SYK: variants seen among roughly 807,000 people sequenced by gnomAD.
SYK encodes tyrosine-protein kinase SYK.
SYK carries 16 observed loss-of-function variants against 77.8 expected under a neutral mutation model. The observed-to-expected ratio is 0.21, with a 90% CI of 0.14 to 0.31. The LOEUF is 0.31. Ranked by LOEUF, SYK falls within the 10% of genes least tolerant of loss-of-function variation. SYK has a pLI of 1.00. For missense variants in SYK, 529 were observed against 814.4 expected, an observed-to-expected ratio of 0.65 and a Z score of 4.26; for synonymous variants, 312 against 308.7, an observed-to-expected ratio of 1.01 and a Z score of -0.11.
chr9:90,890,028 T>C (rs554312781), intron 13 of SYK, among the ~76,000 whole-genome samples: 1 of 152,330 alleles, frequency 6.6e-6, no homozygotes, highest in East Asian at 1.9e-4. Flanking sequence ...TAAAACATTG[T>C]GATACAAATG....
At chr9:90,874,374 C>A in intron 8 of SYK, 83 bp downstream of exon 8, 1 of 1,369,384 alleles carries the variant, frequency 7.3e-7, no homozygotes, top group Non-Finnish European at 1.0e-6. Flanking sequence ...TTCACGAATC[C>A]ACACCACGTC....
chr9:90,851,876 A>G (rs574427128), intron 3 of SYK, among the ~76,000 whole-genome samples: 2 of 152,334 alleles, frequency 1.3e-5, no homozygotes, highest in Non-Finnish European at 2.9e-5. Context: ...TTAAAAATAT[A>G]AAATTAGGCA....
intron 6 of SYK, among the ~76,000 whole-genome samples, chr9:90,866,758 C>T (rs41274656): frequency 6.6e-6 from 1 of 152,130 alleles, no homozygotes; most frequent in Admixed American, 6.5e-5. Context: ...ACCGTGGAAC[C>T]AGCACCCACC....
chr9:90,884,151 GTGTA>G (rs1402327776), intron 11 of SYK, among the ~76,000 whole-genome samples: 1 of 94,564 alleles, frequency 1.1e-5, no homozygotes, highest in Non-Finnish European at 2.2e-5. Context: ...ATATGTGTGT[GTGTA>G]TATATACACA....
At chr9:90,836,286 C>T (rs1326637818) in intron 1 of SYK, among the ~76,000 whole-genome samples, 1 of 108,862 alleles carries the variant, frequency 9.2e-6, no homozygotes, top group Admixed American at 1.0e-4. Flanking sequence ...GACTTCATCT[C>T]AAAAAAAAAA....
intron 3 of SYK, among the ~76,000 whole-genome samples, chr9:90,851,948 G>A (rs1473298662): frequency 6.6e-6 from 1 of 151,972 alleles, no homozygotes; most frequent in East Asian, 1.9e-4. Context: ...TTTTTTTAAA[G>A]GCTGGTCAAT....
rs757211162 is a variant in SYK at position 90,844,156 on chromosome 9, C to T, written c.258C>T (p.Ala86=). ...GTGGCAGGACCCATGCCAGCCCCGC[C>T]GACCTCTGCCACTACCACTCCCAGG... ...IAGGRTHASP[A]DLCHYHSQES... Residue 86 remains alanine (A), a synonymous_variant, in exon 2 of 14, where the codon GCC becomes GCT. Transcript: ENST00000375754. The T allele has an allele frequency of 1.3e-5, 21 of 1,614,080 alleles. No individual in the cohort carries two copies. Among genetic ancestry groups the T allele is most frequent in the Admixed American group, 6.7e-5 (4 of 60,010 alleles).
intron 3 of SYK, among the ~76,000 whole-genome samples, chr9:90,855,048 C>A (rs1228062742): frequency 9.4e-6 from 1 of 105,974 alleles, no homozygotes. Flanking sequence ...ACTTGAGAAC[C>A]GCGGCTGCAT....
At chr9:90,802,889 A>T (rs1402029607) in intron 1 of SYK, among the ~76,000 whole-genome samples, 3 of 151,624 alleles carry the variant, frequency 2.0e-5, no homozygotes, top group Non-Finnish European at 4.4e-5. Context: ...GGAACCATTT[A>T]ATCCCTAAGA....
At chr9:90,892,744 G>T (rs556317823) in intron 13 of SYK, among the ~76,000 whole-genome samples, 2 of 152,226 alleles carry the variant, frequency 1.3e-5, no homozygotes, top group Middle Eastern at 6.3e-3. Flanking sequence ...ATGGAGAGAA[G>T]TTGGTGCTCT....
At chr9:90,809,986 A>G (rs903101295) in intron 1 of SYK, among the ~76,000 whole-genome samples, 56 of 152,302 alleles carry the variant, frequency 3.7e-4, no homozygotes, top group African/African-American at 1.3e-3. Context: ...AGAAGGGCTC[A>G]GGCTAGAAAG....
chr9:90,877,885 T>A, intron 10 of SYK, 105 bp downstream of exon 10: 1 of 1,110,754 alleles, frequency 9.0e-7, no homozygotes, highest in Non-Finnish European at 1.3e-6. Context: ...CTTCCCACCC[T>A]CCTGTGCCTT....
chr9:90,887,883 A>G lies in SYK; in HGVS notation c.1716A>G (p.Pro572=), dbSNP rs1330054565. The change falls in exon 12 of 14, where the codon CCA becomes CCG. Residue 572 remains proline (P), a synonymous_variant. Coordinates refer to ENST00000375754, the MANE Select transcript of SYK (RefSeq NM_003177.7). The stretch of plus-strand genomic sequence containing the variant: ...AAGCATTCTCCTATGGGCAGAAGCC[A>G]TATCGAGTGAGCCAGTCCTGCTTCA... The part of the protein sequence containing the change: ...MWEAFSYGQK[P]YRGMKGSEVT... 2 of 1,603,450 alleles carry G rather than the reference A, an allele frequency of 1.2e-6. No homozygotes were observed. The highest frequency in any genetic ancestry group is 1.3e-5 in the African/African-American group (1 of 74,450).
intron 7 of SYK, among the ~76,000 whole-genome samples, chr9:90,867,766 A>C (rs1827570084): frequency 6.6e-6 from 1 of 152,188 alleles, no homozygotes; most frequent in South Asian, 2.1e-4. Context: ...TGAGGCAGTA[A>C]TGTTGACATC....
chr9:90,848,735 G>A (rs1205839651), intron 3 of SYK, among the ~76,000 whole-genome samples: 1 of 152,240 alleles, frequency 6.6e-6, no homozygotes, highest in Non-Finnish European at 1.5e-5. Flanking sequence ...TCTGGACTTT[G>A]GGAAGGGAGA....
intron 1 of SYK, among the ~76,000 whole-genome samples, chr9:90,841,490 G>C (rs1826333090): frequency 1.7e-5 from 1 of 59,874 alleles, no homozygotes; most frequent in Non-Finnish European, 4.0e-5. Context: ...TAGTGCATGT[G>C]TGGTATGTGT....
intron 3 of SYK, among the ~76,000 whole-genome samples, chr9:90,855,597 T>G (rs1201913564): frequency 6.6e-6 from 1 of 152,144 alleles, no homozygotes; most frequent in Non-Finnish European, 1.5e-5. Flanking sequence ...TTATTGTTCA[T>G]TGGTTTATCC....
chr9:90,864,318 A>T (rs1372653646), intron 4 of SYK, among the ~76,000 whole-genome samples: 3 of 152,202 alleles, frequency 2.0e-5, no homozygotes, highest in African/African-American at 7.2e-5. Flanking sequence ...TAAACAAAGG[A>T]CACAGATACG....
At chr9:90,829,782 T>TA (rs1825813956) in intron 1 of SYK, among the ~76,000 whole-genome samples, 2 of 152,260 alleles carry the variant, frequency 1.3e-5, no homozygotes, top group East Asian at 3.8e-4. Flanking sequence ...TGTTTATTTA[T>TA]AACTACACAG....
Sources: gnomAD v4.1 joint callset for allele counts (sites outside exome capture counted in the v4.1 genomes callset) on GRCh38, gnomAD v4.1.1 for gene constraint, MANE v1.5 for transcripts, NCBI Gene and HGNC (gene_info 2026-07-23, HGNC 2026-07-21) for gene names.